Variants in HMCN2 observed in about 807,000 individuals in gnomAD.
HMCN2 encodes the protein hemicentin 2.
In HMCN2, 325 loss-of-function variants were observed where a neutral mutation model predicts 377.5. The ratio of observed to expected loss-of-function variants is 0.86; its 90% CI spans 0.79 to 0.94. HMCN2 has a LOEUF of 0.94. Among genes scored for constraint, HMCN2 ranks in the 40% least tolerant of loss-of-function variants. The probability of loss-of-function intolerance (pLI) is 0.00; values close to 1 mark genes in which losing one functional copy is unlikely to be tolerated. For missense variants in HMCN2, 4,543 were observed against 4,725.3 expected (o/e 0.96, Z 1.13); for synonymous variants, 2,007 against 2,046.8 (o/e 0.98, Z 0.53).
intron 59 of HMCN2, 46 bp from the exon 60 acceptor site, chr9:130,385,514 C>A (rs536340093): frequency 1.6e-6 from 2 of 1,243,224 alleles, no homozygotes; most frequent in East Asian, 5.7e-5. Flanking sequence ...GTGGGGAGGG[C>A]GCAGGGACAG....
intron 87 of HMCN2, 120 bp from the exon 88 acceptor site, chr9:130,424,656 C>A (rs1259428541): frequency 1.9e-6 from 2 of 1,035,794 alleles, no homozygotes; most frequent in Non-Finnish European, 1.3e-6. Context: ...TGAGTATGGA[C>A]ATCAAGGGAA....
Position 130,352,910 on chromosome 9 carries a change from A to C in HMCN2, c.4586-17A>C. ...TCAGCGGCTGCCTGTGACCAGCCCC[A>C]CCTCTTTCCTTCTCAGCGCCCCCCA... On this transcript the variant is annotated splice_polypyrimidine_tract_variant and intron_variant, in intron 30 of 97. Coordinates refer to ENST00000683500, the MANE Select transcript of HMCN2 (RefSeq NM_001291815.2). 1 of 1,251,172 alleles carries C rather than the reference A, an allele frequency of 8.0e-7. No homozygotes were observed. Among genetic ancestry groups the C allele is most frequent in the South Asian group, 1.4e-5 (1 of 72,014 alleles). 77.5% of individuals were successfully genotyped at this position (1,251,172 alleles called of 1,614,324 possible).
chr9:130,422,772 G>T lies in HMCN2; in HGVS notation c.13381+46G>T. The T allele has an allele frequency of 8.0e-7, 1 of 1,248,974 alleles. No homozygotes were observed. 77.4% of individuals were successfully genotyped at this position (1,248,974 alleles called of 1,614,324 possible). ...CACCTGCCTCTGGGTTATTGTCACA[G>T]CCCAGCGAGCATCCTCCAGAACATG... On this transcript the variant is annotated intron_variant, in intron 87 of 97. Coordinates refer to ENST00000683500, the MANE Select transcript of HMCN2 (RefSeq NM_001291815.2). The surrounding 1 kb of genome is among the most constrained non-coding windows in gnomAD (Gnocchi z 4.2).
At position 130,403,391 on chromosome 9, in the gene HMCN2, G is replaced by C. The variant is rs141424881; in HGVS notation, c.12013+63G>C. 767 of 1,276,890 alleles carry C rather than the reference G, an allele frequency of 6.0e-4. 3 individuals are homozygous for C. In the African/African-American group the frequency reaches 0.011, roughly 18 times the overall value. 79.1% of individuals were successfully genotyped at this position (1,276,890 alleles called of 1,614,324 possible). A position where few individuals can be genotyped will look rare whatever the true frequency, so the allele number is the denominator to read the frequency against. ...AAGAGCGTGGGTCTGGGCAGGGGGG[G>C]AGTCCTGCTTCCTGCCCTGGGAGAC... is the stretch of plus-strand genomic sequence containing the variant. On this transcript the variant is annotated intron_variant, in intron 79 of 97. Transcript: ENST00000683500.
chr9:130,353,471 C>T (rs1839842521), intron 31 of HMCN2, among the ~76,000 whole-genome samples: 2 of 152,060 alleles, frequency 1.3e-5, no homozygotes, highest in African/African-American at 4.8e-5. Flanking sequence ...GGTCTCCCCT[C>T]ATGGTGTGGG....
chr9:130,418,512 A>T (rs1843814376), intron 85 of HMCN2, among the ~76,000 whole-genome samples: 1 of 152,098 alleles, frequency 6.6e-6, no homozygotes, highest in Admixed American at 6.5e-5. Context: ...GCACCACTGC[A>T]CTCCATCCTG....
rs953890638 is a variant in HMCN2, at chr9:130,331,582, C to A, written c.3359+4107C>A. ...CATCCCAGCTTCACCCCAGCTCGCC[C>A]GGTGACCTCAAACAAGACCCTTCCC... On this transcript the variant is annotated intron_variant, in intron 22 of 97. Coordinates refer to ENST00000683500, the MANE Select transcript of HMCN2 (RefSeq NM_001291815.2). Among the ~76,000 whole-genome samples the A allele has an allele frequency of 2.6e-5, 4 of 152,016 alleles. No homozygotes were observed. In the South Asian group the frequency reaches 8.3e-4, roughly 31 times the overall value.
At position 130,424,805 on chromosome 9, in the gene HMCN2, A is replaced by T; in HGVS notation, c.13411A>T (p.Ile4471Phe). 6.5e-7 allele frequency: 1 copy of T among 1,538,944 alleles called. No homozygotes were observed. Among genetic ancestry groups the T allele is most frequent in the Non-Finnish European group, 8.8e-7 (1 of 1,140,090 alleles). ...TCTGATGCGGGTGCTCGTGGTCACC[A>T]TCGCCCCCATCTACTGGGCCCTGGC... ...GPLMRVLVVTIAPIYWALARE... is the reference protein window; with the variant it reads ...GPLMRVLVVTFAPIYWALARE... Residue 4471 changes from isoleucine to phenylalanine, a missense_variant, in exon 88 of 98, where the codon ATC becomes TTC. Physicochemically the swap from Ile to Phe is conservative, Grantham distance 21 (BLOSUM62 0). This residue lies in a region of HMCN2 where 1,155 missense variants were observed against 1,157.7 expected (regional missense o/e 1.00). Coordinates refer to ENST00000683500, the MANE Select transcript of HMCN2 (RefSeq NM_001291815.2).
chr9:130,399,250 C>CA (rs35123847), intron 75 of HMCN2, among the ~76,000 whole-genome samples: 1,373 of 76,650 alleles, frequency 0.018, 17 homozygotes, highest in South Asian at 0.071. Context: ...GAGACTGTCT[C>CA]AAAAAAAAAA....
chr9:130,278,052 T>TACC lies in HMCN2; in HGVS notation c.260-6534_260-6532dup, dbSNP rs1177301736. Among the ~76,000 whole-genome samples, 12 of 83,636 alleles carry TACC rather than the reference T, an allele frequency of 1.4e-4. 3 individuals carry two copies. The South Asian group carries it at 4.9e-3, about 34-fold the overall frequency. The allele number at this position is 83,636 out of a possible 152,430, so 54.9% of individuals were successfully genotyped here. A position where few individuals can be genotyped will look rare whatever the true frequency, so the allele number is the denominator to read the frequency against. The stretch of plus-strand genomic sequence containing the variant: ...CGATCATCACCACCACCATCATCAT[T>TACC]ACCACCACCACCACCACCATCATCA... On this transcript the variant is annotated intron_variant, in intron 1 of 97. Coordinates refer to ENST00000683500, the MANE Select transcript of HMCN2 (RefSeq NM_001291815.2).
chr9:130,339,514 GCCT>G (rs1838937753), intron 23 of HMCN2, among the ~76,000 whole-genome samples: 2 of 152,308 alleles, frequency 1.3e-5, no homozygotes, highest in Middle Eastern at 3.4e-3. Context: ...AATAAGCAGG[GCCT>G]CAACGTTGAC....
chr9:130,309,882 C>T (rs565939386), intron 14 of HMCN2, 30 bp from the exon 15 acceptor site: 37 of 449,264 alleles, frequency 8.2e-5, no homozygotes, highest in Middle Eastern at 3.5e-4. Context: ...CCAGGGACAC[C>T]GGCCTGATGC....
intron 1 of HMCN2, among the ~76,000 whole-genome samples, chr9:130,278,810 A>C (rs143480008): frequency 0.094 from 13,795 of 147,288 alleles, 664 homozygotes; most frequent in East Asian, 0.15. Flanking sequence ...TGAGCTCCCA[A>C]CCTCAGGTGA....
intron 31 of HMCN2, among the ~76,000 whole-genome samples, chr9:130,353,553 G>C (rs1839846634): frequency 6.6e-6 from 1 of 152,226 alleles, no homozygotes; most frequent in African/African-American, 2.4e-5. Flanking sequence ...CATCACTTCT[G>C]TAAGCTAGAC....
At chr9:130,405,132 C>G in intron 81 of HMCN2, 73 bp downstream of exon 81, 1 of 1,056,234 alleles carries the variant, frequency 9.5e-7, no homozygotes, top group Non-Finnish European at 1.2e-6. Context: ...CTGCGCTGAG[C>G]ACTATGCAGC....
rs977285194 is a variant in HMCN2, at chr9:130,407,620, C to T, written c.12603C>T (p.Val4201=). ...GCAGCACGCTGCAGCGGGCCGCTGT[C>T]TCCAGAGAAGACAGCGGGACCTATG... ...DGGSTLQRAA[V]SREDSGTYVC... is the part of the protein sequence containing the mutation. Residue 4201 remains valine, a synonymous_variant, in exon 83 of 98, where the codon GTC becomes GTT. Coordinates refer to ENST00000683500, the MANE Select transcript of HMCN2 (RefSeq NM_001291815.2). 2.7e-5 allele frequency: 35 copies of T among 1,288,634 alleles called. No individual in the cohort carries two copies. The highest frequency in any genetic ancestry group is 3.5e-5 in the Non-Finnish European group (35 of 988,184). 79.8% of individuals were successfully genotyped at this position (1,288,634 alleles called of 1,614,324 possible). A position where few individuals can be genotyped will look rare whatever the true frequency, so the allele number is the denominator to read the frequency against.
chr9:130,289,583 A>G lies in HMCN2; in HGVS notation c.612+3273A>G, dbSNP rs78245593. On this transcript the variant is annotated intron_variant, in intron 4 of 97. Coordinates refer to ENST00000683500, the MANE Select transcript of HMCN2 (RefSeq NM_001291815.2). The stretch of plus-strand genomic sequence containing the variant: ...CTTTCTTCTTGTGTGCAGTTGGGTT[A>G]ACGAGAGCCCCTACCTGGTGAGATG... 7.0e-3 allele frequency among the ~76,000 whole-genome samples: 1,068 copies of G among 152,214 alleles called. 16 individuals carry two copies. The highest frequency in any genetic ancestry group is 0.025 in the African/African-American group (1,023 of 41,512).
chr9:130,267,221 A>G (rs1834154310), intron 1 of HMCN2, among the ~76,000 whole-genome samples: 1 of 151,852 alleles, frequency 6.6e-6, no homozygotes, highest in South Asian at 2.1e-4. Flanking sequence ...CTGAAATTAC[A>G]AGCATGAGCC....
chr9:130,359,336 C>T lies in HMCN2; in HGVS notation c.5695C>T (p.Pro1899Ser). ...LKVLVPPNIE[P>S]GPVNKAVLEN... is the part of the protein sequence containing the mutation. ...CCCCCTAGTGCCCCCCAACATCGAGCCAGGCCCAGTCAACAAGGCAGTGCT... is the reference window on the plus strand; with the variant it reads ...CCCCCTAGTGCCCCCCAACATCGAGTCAGGCCCAGTCAACAAGGCAGTGCT... Residue 1899 changes from proline (P) to serine (S), a missense_variant, in exon 37 of 98, where the codon CCA (proline) becomes TCA (serine). Coordinates refer to ENST00000683500, the MANE Select transcript of HMCN2 (RefSeq NM_001291815.2). 1 of 1,303,812 alleles carries T rather than the reference C, an allele frequency of 7.7e-7. No individual in the cohort carries two copies. Among genetic ancestry groups the T allele is most frequent in the Non-Finnish European group, 1.0e-6 (1 of 988,484 alleles). The allele number at this position is 1,303,812 out of a possible 1,614,324, so 80.8% of individuals were successfully genotyped here.
Sources: allele counts gnomAD v4.1 joint callset (sites outside exome capture counted in the v4.1 genomes callset), GRCh38; gene constraint gnomAD v4.1.1; regional missense constraint gnomAD v4.1.1; non-coding constraint Gnocchi (gnomAD v3.1); transcripts MANE v1.5; gene names NCBI Gene and HGNC (gene_info 2026-07-23, HGNC 2026-07-21).